Variants in DIAPH2 observed in about 807,000 individuals in gnomAD.
DIAPH2 encodes the protein protein diaphanous homolog 2.
Under a neutral mutation model 92.7 loss-of-function variants are expected in DIAPH2, and 35 were observed. The observed-to-expected ratio is 0.38, with a 90% confidence interval of 0.29 to 0.50. DIAPH2 has a LOEUF of 0.50. DIAPH2 is among the 20% of genes least tolerant of loss of function. The probability of loss-of-function intolerance (pLI) is 0.94; values close to 1 mark genes in which losing one functional copy is unlikely to be tolerated. For missense variants in DIAPH2, 701 were observed against 819.5 expected (o/e 0.86, Z 1.77); for synonymous variants, 301 against 280.4 (o/e 1.07, Z -0.73).
At chrX:96,708,336 G>T (rs747821391) in intron 1 of DIAPH2, among the ~76,000 whole-genome samples, 82 of 103,093 alleles carry the variant, frequency 8.0e-4, no homozygotes, top group African/African-American at 2.7e-3. Context: ...TCCGCCTCCC[G>T]GGTTCAAGCA....
At chrX:97,241,725 C>T (rs1019734368) in intron 22 of DIAPH2, among the ~76,000 whole-genome samples, 1 of 108,133 alleles carries the variant, frequency 9.2e-6, no homozygotes, top group Non-Finnish European at 1.9e-5. Context: ...ATCAGTGCTA[C>T]TATGAGGCAA....
chrX:97,093,204 CGAAA>C (rs1319317830), intron 19 of DIAPH2, among the ~76,000 whole-genome samples: 1 of 65,307 alleles, frequency 1.5e-5, no homozygotes, highest in Non-Finnish European at 2.7e-5. Context: ...AAAGAAAGAA[CGAAA>C]GAGAGAGAGA....
intron 1 of DIAPH2, among the ~76,000 whole-genome samples, chrX:96,703,754 T>C (rs1243728094): frequency 1.8e-5 from 2 of 112,041 alleles, no homozygotes; most frequent in Middle Eastern, 4.2e-3. Flanking sequence ...TCAAGTGTTA[T>C]CATGAATTTT....
At chrX:96,980,095 G>C (rs533917006) in intron 17 of DIAPH2, among the ~76,000 whole-genome samples, 53 of 111,691 alleles carry the variant, frequency 4.7e-4, no homozygotes, top group African/African-American at 1.7e-3. Context: ...TCTGCAGATG[G>C]CTTAAGTGTT....
intron 5 of DIAPH2, among the ~76,000 whole-genome samples, chrX:96,910,698 G>A (rs1162201305): frequency 9.0e-6 from 1 of 111,035 alleles, no homozygotes; most frequent in African/African-American, 3.3e-5. Context: ...ACTTAGTGTT[G>A]GCTCTATTTA....
At chrX:97,108,740 C>T (rs766161504) in intron 20 of DIAPH2, among the ~76,000 whole-genome samples, 1 of 111,853 alleles carries the variant, frequency 8.9e-6, no homozygotes, top group African/African-American at 3.3e-5. Context: ...TTAATAATGA[C>T]ATTTCTAATA....
intron 26 of DIAPH2, 151 bp downstream of exon 26, chrX:97,429,896 G>A: frequency 2.0e-6 from 1 of 498,753 alleles, no homozygotes; most frequent in Non-Finnish European, 3.1e-6. Context: ...AATCTCAGCA[G>A]GCATCTACAT....
At chrX:97,100,261 TAG>T (rs1201185521) in intron 20 of DIAPH2, among the ~76,000 whole-genome samples, 5 of 111,549 alleles carry the variant, frequency 4.5e-5, no homozygotes, top group African/African-American at 1.3e-4. Flanking sequence ...AGATTTCATA[TAG>T]AGTGTCATTA....
intron 22 of DIAPH2, among the ~76,000 whole-genome samples, chrX:97,177,709 T>TA (rs11314858): frequency 2.4e-3 from 205 of 86,621 alleles, no homozygotes; most frequent in African/African-American, 6.0e-3. Flanking sequence ...AAAGCCTACT[T>TA]AAAAAAAAAA....
intron 26 of DIAPH2, among the ~76,000 whole-genome samples, chrX:97,491,161 C>T (rs1235218410): frequency 9.0e-6 from 1 of 111,199 alleles, no homozygotes; most frequent in East Asian, 2.8e-4. Flanking sequence ...TATGTAATGA[C>T]CTTTTTCGCC....
At chrX:97,163,804 A>G (rs1304592845) in intron 22 of DIAPH2, among the ~76,000 whole-genome samples, 2 of 112,076 alleles carry the variant, frequency 1.8e-5, no homozygotes, top group Non-Finnish European at 3.8e-5. Context: ...TCCCTAACAG[A>G]GCTTTGACTT....
At chrX:97,559,211 G>C (rs953313313) in intron 26 of DIAPH2, among the ~76,000 whole-genome samples, 1 of 111,883 alleles carries the variant, frequency 8.9e-6, no homozygotes, top group African/African-American at 3.3e-5. Flanking sequence ...AACAGTCCGG[G>C]TCGGGCATGG....
chrX:96,782,357 G>A (rs1308866633), intron 4 of DIAPH2, among the ~76,000 whole-genome samples: 4 of 110,676 alleles, frequency 3.6e-5, no homozygotes, highest in South Asian at 3.8e-4. Flanking sequence ...GTGCAGTGGC[G>A]CGATCTCGGC....
At chrX:97,415,735 G>A (rs2069937970) in intron 25 of DIAPH2, among the ~76,000 whole-genome samples, 1 of 110,165 alleles carries the variant, frequency 9.1e-6, no homozygotes, top group African/African-American at 3.3e-5. Context: ...GATAGCATTA[G>A]GAGAAATACC....
intron 17 of DIAPH2, 115 bp from the exon 18 acceptor site, chrX:97,072,826 C>A: frequency 2.3e-6 from 1 of 433,047 alleles, no homozygotes; most frequent in Non-Finnish European, 3.9e-6. Context: ...GAAATCAACA[C>A]ATTTATTGAT....
At chrX:97,589,512 A>G (rs2071503199) in intron 26 of DIAPH2, among the ~76,000 whole-genome samples, 1 of 110,668 alleles carries the variant, frequency 9.0e-6, no homozygotes, top group African/African-American at 3.3e-5. Flanking sequence ...AAGTACATGT[A>G]GATCTATGTA....
At chrX:97,494,209 C>G (rs2070743619) in intron 26 of DIAPH2, among the ~76,000 whole-genome samples, 1 of 107,982 alleles carries the variant, frequency 9.3e-6, no homozygotes, top group South Asian at 4.1e-4. Flanking sequence ...GTCCCAGCTA[C>G]TCGGGATGCT....
At chrX:97,521,863 C>T (rs1023449071) in intron 26 of DIAPH2, among the ~76,000 whole-genome samples, 3 of 112,121 alleles carry the variant, frequency 2.7e-5, no homozygotes, top group African/African-American at 9.7e-5. Context: ...TTCTTGTAAA[C>T]ATTTATTGAA....
intron 17 of DIAPH2, among the ~76,000 whole-genome samples, chrX:97,052,077 A>C (rs1046560625): frequency 4.5e-5 from 5 of 111,519 alleles, no homozygotes; most frequent in African/African-American, 1.6e-4. Context: ...GTAGGAGCTT[A>C]ATGTTCAAGA....
Sources: gnomAD v4.1 joint callset for allele counts (sites outside exome capture counted in the v4.1 genomes callset) on GRCh38, gnomAD v4.1.1 for gene constraint, MANE v1.5 for transcripts, NCBI Gene and HGNC (gene_info 2026-07-23, HGNC 2026-07-21) for gene names.